The following ATP6V0A1 variants were observed in gnomAD, a reference collection of about 807,000 sequenced individuals.
ATP6V0A1 encodes the protein ATPase H+ transporting V0 subunit a1, also known as V-type proton ATPase 116 kDa subunit a 1.
A neutral mutation model predicts 105.4 loss-of-function variants in ATP6V0A1; 43 were observed. That is an observed-to-expected ratio of 0.41 (90% CI 0.32 to 0.53). The LOEUF (loss-of-function observed/expected upper bound fraction) is 0.53, where lower values mean the gene tolerates loss of function less well. Ranked by LOEUF, ATP6V0A1 falls within the 20% of genes least tolerant of loss-of-function variation. ATP6V0A1 has a pLI of 0.30. For missense variants in ATP6V0A1, 676 were observed against 1,051.1 expected, an observed-to-expected ratio of 0.64 and a Z score of 4.93; for synonymous variants, 362 against 372.8, an observed-to-expected ratio of 0.97 and a Z score of 0.33.
intron 9 of ATP6V0A1, among the ~76,000 whole-genome samples, chr17:42,485,215 G>C (rs928358270): frequency 2.6e-5 from 4 of 152,072 alleles, no homozygotes; most frequent in African/African-American, 9.7e-5. Flanking sequence ...ACCTATTGCT[G>C]GCTCCTTTGA....
At chr17:42,494,990 C>G (rs769367908) in intron 12 of ATP6V0A1, 44 bp from the exon 13 acceptor site, 2 of 1,576,058 alleles carry the variant, frequency 1.3e-6, no homozygotes, top group Admixed American at 3.4e-5. Context: ...ACAATGTGAG[C>G]TGCAGTGAGT....
chr17:42,485,169 C>T (rs997454261), intron 9 of ATP6V0A1, among the ~76,000 whole-genome samples: 12 of 151,984 alleles, frequency 7.9e-5, no homozygotes, highest in African/African-American at 2.9e-4. Flanking sequence ...CATTTTAACT[C>T]TCAGTGACCT....
intron 1 of ATP6V0A1, chr17:42,460,306 G>A (rs1327635748): frequency 2.0e-5 from 3 of 152,202 alleles, no homozygotes; most frequent in Admixed American, 2.0e-4. Context: ...GTTTTCTGAG[G>A]AATCTGGAAG....
At chr17:42,474,523 TTGCC>T (rs1458417762) in intron 5 of ATP6V0A1, among the ~76,000 whole-genome samples, 1 of 152,288 alleles carries the variant, frequency 6.6e-6, no homozygotes, top group Admixed American at 6.5e-5. Flanking sequence ...TCCATAGACC[TTGCC>T]CTGCTGCTGC....
chr17:42,485,172 A>G (rs907786108), intron 9 of ATP6V0A1, among the ~76,000 whole-genome samples: 3 of 152,014 alleles, frequency 2.0e-5, no homozygotes, highest in African/African-American at 7.2e-5. Context: ...TTTAACTCTC[A>G]GTGACCTCCA....
intron 2 of ATP6V0A1, among the ~76,000 whole-genome samples, chr17:42,461,957 A>G (rs1184676860): frequency 6.6e-5 from 10 of 151,136 alleles, no homozygotes; most frequent in Admixed American, 1.3e-4. Context: ...CTGAAATGCC[A>G]GTACTTTGAG....
In ATP6V0A1 at chr17:42,483,087, GA is replaced by G; in HGVS notation, c.769del (p.Met257TrpfsTer5). On this transcript the variant is annotated frameshift_variant, in exon 9 of 22. Transcript: ENST00000343619. LOFTEE classifies it high-confidence loss of function. ...TCCTGAGACACCACAGGAGAGGAAG[GA>G]AATGGCTTCTGGAGTGAATACCAGG... ...PCPETPQERK[E>X]MASGVNTRID... is the part of the protein sequence containing the mutation. The G allele has an allele frequency of 6.4e-7, 1 of 1,569,690 alleles. No individual in the cohort carries two copies. Among genetic ancestry groups the G allele is most frequent in the Admixed American group, 1.8e-5 (1 of 56,590 alleles).
chr17:42,463,607 A>G (rs569735964), intron 2 of ATP6V0A1, among the ~76,000 whole-genome samples: 1 of 152,314 alleles, frequency 6.6e-6, no homozygotes, highest in South Asian at 2.1e-4. Flanking sequence ...GGCTATTATG[A>G]TTAAAGCTGA....
chr17:42,503,584 T>C (rs1235912040), intron 17 of ATP6V0A1, among the ~76,000 whole-genome samples: 2 of 152,216 alleles, frequency 1.3e-5, no homozygotes, highest in African/African-American at 4.8e-5. Flanking sequence ...AATGCACAAA[T>C]ATATTAGCCT....
chr17:42,473,693 T>TTTAAGACC (rs1429508135), intron 5 of ATP6V0A1, among the ~76,000 whole-genome samples: 2 of 152,216 alleles, frequency 1.3e-5, no homozygotes, highest in Non-Finnish European at 2.9e-5. Flanking sequence ...CAAGACCTCG[T>TTTAAGACC]AAGTTTAAGA....
chr17:42,468,791 A>G (rs2087454109), intron 4 of ATP6V0A1, among the ~76,000 whole-genome samples: 1 of 152,152 alleles, frequency 6.6e-6, no homozygotes, highest in African/African-American at 2.4e-5. Context: ...ATTATATGCC[A>G]CTAAGTAAAT....
chr17:42,494,968 A>G, intron 12 of ATP6V0A1, 66 bp from the exon 13 acceptor site: 2 of 1,531,238 alleles, frequency 1.3e-6, no homozygotes, highest in Admixed American at 3.4e-5. Flanking sequence ...GTATATTCTG[A>G]ATAACATTGT....
chr17:42,465,242 C>T (rs1445884162), intron 2 of ATP6V0A1, among the ~76,000 whole-genome samples: 2 of 151,538 alleles, frequency 1.3e-5, no homozygotes, highest in Non-Finnish European at 2.9e-5. Flanking sequence ...AATCCTCCTG[C>T]CTCAGCTTCC....
Position 42,509,016 on chromosome 17 carries a change from C to T in ATP6V0A1, c.2130+427C>T, listed in dbSNP as rs1599084038. On this transcript the variant is annotated intron_variant, in intron 19 of 21. Coordinates refer to ENST00000343619, the MANE Select transcript of ATP6V0A1 (RefSeq NM_001130021.3). ...TCCTAGTGCTTGTGAGCAAACCTTA[C>T]CCTTCCTCCCTGTCTGAGCCAGCCT... 4.0e-5 allele frequency among the ~76,000 whole-genome samples: 6 copies of T among 151,886 alleles called. No individual in the cohort carries two copies. The South Asian group carries it at 1.3e-3, about 32-fold the overall frequency.
Position 42,498,994 on chromosome 17 carries a change from G to C in ATP6V0A1, c.1631G>C (p.Gly544Ala). The change falls in exon 15 of 22, where the codon GGT becomes GCT. Residue 544 changes from glycine (G) to alanine (A), a missense_variant. Around this residue, in one of 3 missense-constraint regions of ATP6V0A1, gnomAD observed 435 missense variants for 642.2 expected, o/e 0.68. Coordinates refer to ENST00000343619, the MANE Select transcript of ATP6V0A1 (RefSeq NM_001130021.3). The stretch of plus-strand genomic sequence containing the variant: ...AAGATGAAGATGTCTGTTATCCTTG[G>C]TATCATCCATATGCTGTTTGGAGTC... Reference protein sequence around the residue: ...SFKMKMSVILGIIHMLFGVSL... With the variant: ...SFKMKMSVILAIIHMLFGVSL... The C allele has an allele frequency of 6.2e-7, 1 of 1,613,588 alleles. No individual in the cohort carries two copies. The highest frequency in any genetic ancestry group is 8.5e-7 in the Non-Finnish European group (1 of 1,179,670).
intron 7 of ATP6V0A1, 76 bp downstream of exon 7, chr17:42,478,665 C>T (rs1056753177): frequency 6.0e-5 from 84 of 1,402,764 alleles, no homozygotes; most frequent in Non-Finnish European, 7.5e-5. Context: ...CATGGGGCCA[C>T]CTGAATCCAG....
intron 11 of ATP6V0A1, among the ~76,000 whole-genome samples, chr17:42,491,499 G>C (rs758080810): frequency 6.7e-6 from 1 of 150,152 alleles, no homozygotes; most frequent in Non-Finnish European, 1.5e-5. Context: ...TTTTTTTTAG[G>C]TGAGACAGAG....
intron 9 of ATP6V0A1, among the ~76,000 whole-genome samples, chr17:42,485,381 C>T (rs878913328): frequency 3.3e-5 from 5 of 152,042 alleles, no homozygotes; most frequent in Non-Finnish European, 1.5e-5. Context: ...TTATAACTGA[C>T]CAGAATTTGA....
Position 42,490,637 on chromosome 17 carries a change from G to T in ATP6V0A1, c.1174G>T (p.Ala392Ser). ...GIGTYREINPAPYTIITFPFL... is the reference protein window; with the variant it reads ...GIGTYREINPSPYTIITFPFL... ...TGGAACTTACCGAGAGATAAATCCA[G>T]GTAAAAAAAAGCTTGTTATCTTTTT... The change falls in exon 11 of 22, where the codon GCT becomes TCT. Residue 392 changes from alanine (A) to serine (S), a missense_variant and splice_region_variant. Ala to Ser is a moderately conservative substitution (Grantham distance 99). Transcript: ENST00000343619. 1.3e-6 allele frequency: 2 copies of T among 1,578,854 alleles called. No individual in the cohort carries two copies. Among genetic ancestry groups the T allele is most frequent in the Non-Finnish European group, 1.7e-6 (2 of 1,169,074 alleles).
Sources: gnomAD v4.1 joint callset for allele counts (sites outside exome capture counted in the v4.1 genomes callset) on GRCh38, gnomAD v4.1.1 for gene constraint, gnomAD v4.1.1 regional missense constraint, MANE v1.5 for transcripts, NCBI Gene and HGNC (gene_info 2026-07-23, HGNC 2026-07-21) for gene names.